Variants in NIN observed in about 807,000 individuals in gnomAD.
NIN encodes glycogen synthase kinase 3 beta-interacting protein.
In NIN, 137 loss-of-function variants were observed where a neutral mutation model predicts 257.6. The ratio of observed to expected loss-of-function variants is 0.53; its 90% CI spans 0.46 to 0.61. NIN has a LOEUF of 0.61. Among genes scored for constraint, NIN ranks in the 20% least tolerant of loss-of-function variants. NIN has a pLI of 0.00. For missense variants in NIN, 2,439 were observed against 2,501.2 expected, an observed-to-expected ratio of 0.98 and a Z score of 0.53; for synonymous variants, 918 against 919.8, an observed-to-expected ratio of 1.00 and a Z score of 0.04.
Position 50,787,124 on chromosome 14 carries a change from C to T in NIN, c.435+5588G>A, listed in dbSNP as rs2043379809. Among the ~76,000 whole-genome samples the T allele has an allele frequency of 4.6e-5, 7 of 152,212 alleles. No individual in the cohort carries two copies. In the South Asian group the frequency reaches 6.2e-4, roughly 14 times the overall value. ...TGTGCAAGCCAATGGTTTTGGCTTA[C>T]ACTACTATTGTCTACAGTTGGAAAA... is the stretch of plus-strand genomic sequence containing the variant. On this transcript the variant is annotated intron_variant, in intron 5 of 30. Coordinates refer to ENST00000530997, the MANE Select transcript of NIN (RefSeq NM_020921.4).
intron 5 of NIN, among the ~76,000 whole-genome samples, chr14:50,785,878 T>G (rs1050215834): frequency 7.9e-5 from 12 of 152,182 alleles, no homozygotes; most frequent in Admixed American, 2.6e-4. Context: ...ATGGAGAGCC[T>G]GACAGCCCAG....
chr14:50,758,459 C>T lies in NIN; in HGVS notation c.2571G>A (p.Gln857=). 6.2e-7 allele frequency: 1 copy of T among 1,614,224 alleles called. No homozygotes were observed. The highest frequency in any genetic ancestry group is 1.1e-5 in the South Asian group (1 of 91,078). Residue 857 remains glutamine, a synonymous_variant, in exon 18 of 31, where the codon CAG becomes CAA. Transcript: ENST00000530997. ...LQEQQREEKS[Q]WEFEKDELTQ... ...TGAGCTCGTCCTTCTCAAATTCCCA[C>T]TGGGATTTCTCCTCACGCTGCTGTT...
At chr14:50,777,425 G>A (rs1037152515) in intron 6 of NIN, among the ~76,000 whole-genome samples, 1 of 152,110 alleles carries the variant, frequency 6.6e-6, no homozygotes, top group Non-Finnish European at 1.5e-5. Context: ...TATTTCAGCT[G>A]AGCACATCAC....
Position 50,744,226 on chromosome 14 carries a change from C to G in NIN, c.5187+17G>C, listed in dbSNP as rs1176498599. 2 of 1,612,348 alleles carry G rather than the reference C, an allele frequency of 1.2e-6. No individual in the cohort carries two copies. The highest frequency in any genetic ancestry group is 2.2e-5 in the South Asian group (2 of 90,920). ...GTATTGTATACGATGATGGTAAAGT[C>G]TTATTACTTCTACTACCTTATCGAC... On this transcript the variant is annotated intron_variant, in intron 23 of 30. Coordinates refer to ENST00000530997, the MANE Select transcript of NIN (RefSeq NM_020921.4).
intron 6 of NIN, among the ~76,000 whole-genome samples, chr14:50,778,058 G>A (rs9788617): frequency 0.48 from 73,286 of 152,112 alleles, 20,163 homozygotes; most frequent in East Asian, 0.83. Context: ...AGTGGGCTGA[G>A]GTTCTGTTAG....
intron 3 of NIN, among the ~76,000 whole-genome samples, chr14:50,816,609 A>C (rs1292797066): frequency 6.6e-6 from 1 of 152,122 alleles, no homozygotes; most frequent in Non-Finnish European, 1.5e-5. Context: ...GAGTCATCTG[A>C]CCTTGGAAAA....
At chr14:50,819,766 CCTTT>C (rs749150250) in intron 3 of NIN, among the ~76,000 whole-genome samples, 159 of 152,136 alleles carry the variant, frequency 1.0e-3, no homozygotes, top group Non-Finnish European at 2.0e-3. Flanking sequence ...GTTATGCTAC[CCTTT>C]CTTTCTTTCT....
chr14:50,739,634 T>A, intron 25 of NIN, 147 bp from the exon 26 acceptor site: 1 of 631,908 alleles, frequency 1.6e-6, no homozygotes, highest in Non-Finnish European at 2.7e-6. Flanking sequence ...AGTATGTGTA[T>A]GTACATATAA....
chr14:50,735,465 T>G (rs1294997905), intron 28 of NIN, 51 bp downstream of exon 28: 13 of 1,590,796 alleles, frequency 8.2e-6, no homozygotes, highest in Non-Finnish European at 1.1e-5. Flanking sequence ...AATACCTCAT[T>G]CATGGATTAA....
At chr14:50,760,561 A>C (rs2042237706) in intron 16 of NIN, among the ~76,000 whole-genome samples, 1 of 151,780 alleles carries the variant, frequency 6.6e-6, no homozygotes, top group Non-Finnish European at 1.5e-5. Flanking sequence ...ATCTCTTTTA[A>C]GTGGCTGAAT....
intron 4 of NIN, among the ~76,000 whole-genome samples, chr14:50,803,535 C>G (rs2044187973): frequency 6.6e-6 from 1 of 152,210 alleles, no homozygotes; most frequent in Non-Finnish European, 1.5e-5. Context: ...CCAGGCTGCA[C>G]TGACCGAAGA....
intron 18 of NIN, 55 bp from the exon 19 acceptor site, chr14:50,754,922 G>A: frequency 7.8e-7 from 1 of 1,280,922 alleles, no homozygotes; most frequent in Non-Finnish European, 1.1e-6. Context: ...GGCATCTTTG[G>A]AAAATATTTT....
intron 18 of NIN, 43 bp downstream of exon 18, chr14:50,756,449 G>C (rs2042030711): frequency 6.5e-7 from 1 of 1,535,666 alleles, no homozygotes; most frequent in South Asian, 1.3e-5. Context: ...ATCTGGTGAG[G>C]TGCTCTGTGG....
rs539200109 is a variant in NIN at position 50,754,457 on chromosome 14, A to AT, written c.4734+105dup. ...ATTCAGAATTTACAACCTTACCATCATTAGCTATATGCTATTCATTACCGT... is the reference window on the plus strand; with the variant it reads ...ATTCAGAATTTACAACCTTACCATCATTTAGCTATATGCTATTCATTACCGT... On this transcript the variant is annotated intron_variant, in intron 20 of 30. Coordinates refer to ENST00000530997, the MANE Select transcript of NIN (RefSeq NM_020921.4). 4.7e-3 allele frequency: 4,006 copies of AT among 846,480 alleles called. 15 individuals carry two copies. The highest frequency in any genetic ancestry group is 5.7e-3 in the Admixed American group (205 of 36,066). 52.4% of individuals were successfully genotyped at this position (846,480 alleles called of 1,614,324 possible). A position where few individuals can be genotyped will look rare whatever the true frequency, so the allele number is the denominator to read the frequency against.
At chr14:50,752,880 C>T in intron 20 of NIN, 147 bp from the exon 21 acceptor site, 1 of 511,654 alleles carries the variant, frequency 2.0e-6, no homozygotes, top group Non-Finnish European at 3.3e-6. Context: ...ATAATACACA[C>T]TCATTATTAC....
At chr14:50,754,906 T>A in intron 18 of NIN, 39 bp from the exon 19 acceptor site, 1 of 1,399,746 alleles carries the variant, frequency 7.1e-7, no homozygotes, top group Non-Finnish European at 9.7e-7. Flanking sequence ...TACAAGGCAG[T>A]CATCTGGCAT....
At chr14:50,731,605 G>A (rs2040707127) in intron 28 of NIN, among the ~76,000 whole-genome samples, 1 of 151,844 alleles carries the variant, frequency 6.6e-6, no homozygotes, top group South Asian at 2.1e-4. Flanking sequence ...GGAGGCCAAG[G>A]CAGGTGGATC....
intron 18 of NIN, 76 bp downstream of exon 18, chr14:50,756,416 G>A (rs893951847): frequency 3.5e-5 from 52 of 1,471,868 alleles, no homozygotes; most frequent in Non-Finnish European, 4.7e-5. Flanking sequence ...GTTTCTCTAG[G>A]CACGGCAAGC....
At chr14:50,813,461 A>G (rs1409268354) in intron 3 of NIN, among the ~76,000 whole-genome samples, 1 of 152,256 alleles carries the variant, frequency 6.6e-6, no homozygotes, top group Non-Finnish European at 1.5e-5. Context: ...ATTAAGAGGA[A>G]GACCAGTCAA....
Sources: allele counts gnomAD v4.1 joint callset (sites outside exome capture counted in the v4.1 genomes callset), GRCh38; gene constraint gnomAD v4.1.1; transcripts MANE v1.5; gene names NCBI Gene and HGNC (gene_info 2026-07-23, HGNC 2026-07-21).